Variants in SLC9A7 observed in about 807,000 individuals in gnomAD.
The protein encoded by SLC9A7 is solute carrier family 9 member A7.
A neutral mutation model predicts 52.6 loss-of-function variants in SLC9A7; 19 were observed. The observed-to-expected ratio is 0.36, with a 90% CI of 0.25 to 0.53. SLC9A7 has a LOEUF of 0.53. SLC9A7 is among the 20% of genes least tolerant of loss of function. The pLI is 0.91. For synonymous variants in SLC9A7, 226 were observed against 252.1 expected, an observed-to-expected ratio of 0.90 and a Z score of 0.98; for missense variants, 455 against 597.9, an observed-to-expected ratio of 0.76 and a Z score of 2.49.
chrX:46,712,174 C>T (rs1426662987), intron 1 of SLC9A7, among the ~76,000 whole-genome samples: 1 of 111,332 alleles, frequency 9.0e-6, no homozygotes, highest in Non-Finnish European at 1.9e-5. Flanking sequence ...TTGCAGGTTA[C>T]TGTGTTAGTC....
rs1942718059 is a variant in SLC9A7, at chrX:46,604,973, T to C, written c.*1979A>G. The C allele has an allele frequency of 9.0e-6, 1 of 110,880 alleles. No individual in the cohort carries two copies. The highest frequency in any genetic ancestry group is 9.6e-5 in the Admixed American group (1 of 10,407). 9.1% of individuals were successfully genotyped at this position (110,880 alleles called of 1,213,427 possible). ...GGTGGACTAGACTGGGACACAATAT[T>C]TTGTCTTCCATCATAAGAAAAACTG... On this transcript the variant is annotated 3_prime_UTR_variant, in exon 17 of 17. Transcript: ENST00000616978.
intron 3 of SLC9A7, among the ~76,000 whole-genome samples, chrX:46,672,829 T>C (rs1303459288): frequency 8.9e-6 from 1 of 112,728 alleles, no homozygotes; most frequent in Non-Finnish European, 1.9e-5. Flanking sequence ...AGCCAGGTAC[T>C]GAGCAAGTAA....
intron 3 of SLC9A7, among the ~76,000 whole-genome samples, chrX:46,678,973 C>CT (rs1944166918): frequency 9.0e-6 from 1 of 111,500 alleles, no homozygotes; most frequent in Middle Eastern, 4.3e-3. Flanking sequence ...AAATACACAA[C>CT]TGTTCCATCA....
intron 8 of SLC9A7, among the ~76,000 whole-genome samples, chrX:46,651,838 A>G (rs1350971931): frequency 2.0e-5 from 2 of 102,125 alleles, no homozygotes; most frequent in Admixed American, 1.1e-4. Context: ...AAAAGAAAAA[A>G]AAAAAAAAAG....
chrX:46,660,936 G>T (rs1180813101), intron 7 of SLC9A7, among the ~76,000 whole-genome samples: 3 of 108,717 alleles, frequency 2.8e-5, no homozygotes, highest in Non-Finnish European at 5.7e-5. Context: ...GTTTATTGCG[G>T]CATTATTCAC....
chrX:46,615,754 C>T (rs956779421), intron 15 of SLC9A7, among the ~76,000 whole-genome samples: 1 of 109,693 alleles, frequency 9.1e-6, no homozygotes, highest in African/African-American at 3.3e-5. Context: ...GTCTTTCTAT[C>T]CCACTCTAGT....
intron 3 of SLC9A7, among the ~76,000 whole-genome samples, chrX:46,674,358 T>C (rs919448974): frequency 8.9e-6 from 1 of 112,501 alleles, no homozygotes; most frequent in Non-Finnish European, 1.9e-5. Context: ...TGATGTGAGC[T>C]GAAACTTAAC....
chrX:46,674,119 G>T (rs1724240586), intron 3 of SLC9A7, among the ~76,000 whole-genome samples: 1 of 111,697 alleles, frequency 9.0e-6, no homozygotes. Flanking sequence ...GAATGAACTT[G>T]TGAGGTATCC....
chrX:46,689,343 C>T (rs1158840886), intron 1 of SLC9A7, among the ~76,000 whole-genome samples: 1 of 112,255 alleles, frequency 8.9e-6, no homozygotes, highest in Non-Finnish European at 1.9e-5. Flanking sequence ...TGTGAATTAA[C>T]ACTTCATCTC....
Position 46,752,394 on chromosome X carries a change from A to G in SLC9A7, c.325+6311T>C, listed in dbSNP as rs1602310765. Among the ~76,000 whole-genome samples, 4 of 111,722 alleles carry G rather than the reference A, an allele frequency of 3.6e-5. No individual in the cohort carries two copies. In the South Asian group the frequency reaches 1.5e-3, roughly 42 times the overall value. Reference sequence around the variant, plus strand: ...ATTCATTTTCATGAACTAGGAGCCAATCAAGTTTCTCGTACTACATTTAGT... The same window carrying G: ...ATTCATTTTCATGAACTAGGAGCCAGTCAAGTTTCTCGTACTACATTTAGT... On this transcript the variant is annotated intron_variant, in intron 1 of 16. Coordinates refer to ENST00000616978, the MANE Select transcript of SLC9A7 (RefSeq NM_001257291.2).
intron 1 of SLC9A7, among the ~76,000 whole-genome samples, chrX:46,702,564 T>G (rs963752025): frequency 8.9e-6 from 1 of 111,990 alleles, no homozygotes; most frequent in Non-Finnish European, 1.9e-5. Flanking sequence ...GTTAATTTGC[T>G]TAGGATTATG....
At chrX:46,642,238 G>A (rs73200266) in intron 12 of SLC9A7, among the ~76,000 whole-genome samples, 3,199 of 112,969 alleles carry the variant, frequency 0.028, 53 homozygotes, top group Non-Finnish European at 0.044. Context: ...ACGCTCTGCA[G>A]CTGTGTCGGG....
chrX:46,601,990 T>C lies in SLC9A7; in HGVS notation c.*4962A>G. ...TCCAGTGTGGACTCAGGCATGAGGA[T>C]AGGTGAAGGAAAAGAAAATCTGACT... On this transcript the variant is annotated 3_prime_UTR_variant, in exon 17 of 17. Transcript: ENST00000616978. 1 of 110,335 alleles carries C rather than the reference T, an allele frequency of 9.1e-6. No individual in the cohort carries two copies. The highest frequency in any genetic ancestry group is 2.9e-4 in the East Asian group (1 of 3,500). The allele number at this position is 110,335 out of a possible 1,213,427, so 9.1% of individuals were successfully genotyped here. A position where few individuals can be genotyped will look rare whatever the true frequency, so the allele number is the denominator to read the frequency against.
intron 1 of SLC9A7, among the ~76,000 whole-genome samples, chrX:46,709,269 C>T (rs775770919): frequency 2.7e-5 from 3 of 110,151 alleles, no homozygotes; most frequent in Non-Finnish European, 5.7e-5. Context: ...TAGCCTGCTG[C>T]GGTGGTGCGC....
intron 5 of SLC9A7, among the ~76,000 whole-genome samples, chrX:46,666,773 A>C (rs950777388): frequency 2.7e-5 from 3 of 112,564 alleles, no homozygotes; most frequent in Non-Finnish European, 5.6e-5. Context: ...CAATATCAAT[A>C]ATCTTTATGT....
intron 1 of SLC9A7, among the ~76,000 whole-genome samples, chrX:46,735,208 T>C (rs893261163): frequency 2.7e-5 from 3 of 111,941 alleles, no homozygotes; most frequent in Non-Finnish European, 3.8e-5. Context: ...TTGTTCCTTT[T>C]TTCCTCTTTT....
rs547875387 is a variant in SLC9A7, at chrX:46,683,963, T to C, written c.326-1428A>G. Among the ~76,000 whole-genome samples the C allele has an allele frequency of 1.9e-4, 21 of 112,202 alleles. No homozygotes were observed. In the South Asian group the frequency reaches 7.4e-3, roughly 40 times the overall value. On this transcript the variant is annotated intron_variant, in intron 1 of 16. Transcript: ENST00000616978. ...TAAGAACTCACAAGACATTGTTGAA[T>C]AGCAAATAAAATATAAAATCTAGAA...
intron 14 of SLC9A7, among the ~76,000 whole-genome samples, chrX:46,631,220 T>C (rs1474666311): frequency 1.8e-5 from 2 of 112,343 alleles, no homozygotes; most frequent in Non-Finnish European, 3.8e-5. Flanking sequence ...CTTCCTCAGA[T>C]CCCTGGGCTG....
chrX:46,740,671 CAAAT>C (rs1381516228), intron 1 of SLC9A7, among the ~76,000 whole-genome samples: 1 of 110,806 alleles, frequency 9.0e-6, no homozygotes, highest in African/African-American at 3.3e-5. Flanking sequence ...TAGCCACAAA[CAAAT>C]AAAACCTACA....
Sources: allele counts gnomAD v4.1 joint callset (sites outside exome capture counted in the v4.1 genomes callset), GRCh38; gene constraint gnomAD v4.1.1; transcripts MANE v1.5; gene names NCBI Gene and HGNC (gene_info 2026-07-23, HGNC 2026-07-21).